RORA: variants seen among roughly 807,000 people sequenced by gnomAD.
RORA encodes the protein RAR related orphan receptor A.
In RORA, 7 loss-of-function variants were observed where a neutral mutation model predicts 69.5. That is an observed-to-expected ratio of 0.10 (90% CI 0.06 to 0.19). The LOEUF (loss-of-function observed/expected upper bound fraction) is 0.19, where lower values mean the gene tolerates loss of function less well. Among genes scored for constraint, RORA ranks in the 10% least tolerant of loss-of-function variants. The probability of loss-of-function intolerance (pLI) is 1.00; values close to 1 mark genes in which losing one functional copy is unlikely to be tolerated. For synonymous variants in RORA, 261 were observed against 240.8 expected (o/e 1.08, Z -0.78); for missense variants, 457 against 663.0 (o/e 0.69, Z 3.41).
At chr15:60,678,835 C>T in intron 1 of RORA, 149 bp from the exon 2 acceptor site, 1 of 655,114 alleles carries the variant, frequency 1.5e-6, no homozygotes, top group Non-Finnish European at 2.8e-6. Context: ...AGGAGTGTCA[C>T]TAGACCTACC....
chr15:60,789,367 T>G (rs1420021907), intron 1 of RORA, among the ~76,000 whole-genome samples: 6 of 152,262 alleles, frequency 3.9e-5, no homozygotes, highest in African/African-American at 1.4e-4. Flanking sequence ...TAATATATCT[T>G]GCTTCTGTAA....
intron 2 of RORA, among the ~76,000 whole-genome samples, chr15:60,584,508 G>A (rs1243547544): frequency 2.6e-5 from 4 of 152,206 alleles, no homozygotes; most frequent in Admixed American, 2.6e-4. Context: ...CTCTGACTAA[G>A]TGTGGCTGCC....
intron 1 of RORA, among the ~76,000 whole-genome samples, chr15:61,171,884 C>A (rs1352282856): frequency 1.3e-5 from 2 of 152,200 alleles, no homozygotes; most frequent in Admixed American, 6.5e-5. Context: ...CTTTGGGACA[C>A]CGATCCTCAA....
chr15:61,152,267 G>T (rs2079404142), intron 1 of RORA, among the ~76,000 whole-genome samples: 1 of 152,010 alleles, frequency 6.6e-6, no homozygotes, highest in South Asian at 2.1e-4. Flanking sequence ...AGAAATAGTT[G>T]AGTTCCTGCC....
intron 1 of RORA, among the ~76,000 whole-genome samples, chr15:60,969,180 T>A (rs761508708): frequency 1.3e-5 from 2 of 152,204 alleles, no homozygotes; most frequent in Non-Finnish European, 2.9e-5. Flanking sequence ...GTGGAGACTG[T>A]CAAGCTTCTC....
Position 60,946,451 on chromosome 15 carries a change from G to A in RORA, c.167-267765C>T, listed in dbSNP as rs555086374. Among the ~76,000 whole-genome samples, 3 of 152,316 alleles carry A rather than the reference G, an allele frequency of 2.0e-5. No individual in the cohort carries two copies. In the East Asian group the frequency reaches 5.8e-4, roughly 29 times the overall value. ...CCTGACTGGTTTTCGTATTTTTTTG[G>A]TGGAGACGGGGTTTCGCTTTGTTGG... On this transcript the variant is annotated intron_variant, in intron 1 of 10. Coordinates refer to ENST00000335670, the MANE Select transcript of RORA (RefSeq NM_134261.3).
intron 1 of RORA, among the ~76,000 whole-genome samples, chr15:61,005,118 TC>T (rs1200692226): frequency 6.6e-6 from 1 of 152,192 alleles, no homozygotes; most frequent in Non-Finnish European, 1.5e-5. Context: ...ATGGAAACAA[TC>T]TGAGGGTTCA....
At chr15:60,958,455 T>C (rs758820130) in intron 1 of RORA, among the ~76,000 whole-genome samples, 2 of 152,174 alleles carry the variant, frequency 1.3e-5, no homozygotes, top group Non-Finnish European at 2.9e-5. Context: ...TAATATCCCA[T>C]ATAATATAAA....
intron 1 of RORA, among the ~76,000 whole-genome samples, chr15:60,857,006 T>G (rs1272655908): frequency 6.6e-6 from 1 of 152,196 alleles, no homozygotes; most frequent in African/African-American, 2.4e-5. Flanking sequence ...ACTGGAAGGA[T>G]GAGCACAGAG....
At chr15:60,945,031 G>A (rs1391413216) in intron 1 of RORA, among the ~76,000 whole-genome samples, 1 of 152,198 alleles carries the variant, frequency 6.6e-6, no homozygotes, top group Non-Finnish European at 1.5e-5. Flanking sequence ...GCCCACTTTG[G>A]TTTTAGAGCA....
chr15:60,912,483 G>A (rs1891758131), intron 1 of RORA, among the ~76,000 whole-genome samples: 1 of 151,892 alleles, frequency 6.6e-6, no homozygotes, highest in Non-Finnish European at 1.5e-5. Flanking sequence ...CGCCGGGCAT[G>A]GTGGCTCACA....
intron 1 of RORA, among the ~76,000 whole-genome samples, chr15:60,978,497 T>C (rs1195106907): frequency 6.6e-6 from 1 of 152,222 alleles, no homozygotes; most frequent in Non-Finnish European, 1.5e-5. Flanking sequence ...GTAGTGTCCA[T>C]TGATTCACAA....
chr15:61,010,534 G>A (rs1041796805), intron 1 of RORA, among the ~76,000 whole-genome samples: 1 of 152,142 alleles, frequency 6.6e-6, no homozygotes, highest in Non-Finnish European at 1.5e-5. Flanking sequence ...TTGTATGAAT[G>A]CACAGGCATA....
At chr15:60,516,491 C>T (rs1162973972) in intron 3 of RORA, among the ~76,000 whole-genome samples, 2 of 150,716 alleles carry the variant, frequency 1.3e-5, no homozygotes, top group Non-Finnish European at 2.9e-5. Flanking sequence ...TGAAGCAAAG[C>T]CATGAAGGGT....
chr15:60,933,080 G>T (rs1210817033), intron 1 of RORA, among the ~76,000 whole-genome samples: 2 of 152,006 alleles, frequency 1.3e-5, no homozygotes, highest in African/African-American at 4.8e-5. Context: ...TGCTTCCCAG[G>T]GCTGTGACCC....
At chr15:60,502,342 A>T (rs138588675) in intron 8 of RORA, among the ~76,000 whole-genome samples, 12 of 152,122 alleles carry the variant, frequency 7.9e-5, no homozygotes, top group Admixed American at 4.6e-4. Flanking sequence ...TATTTCTTTG[A>T]TATCTGCATT....
chr15:61,049,168 G>C (rs963458870), intron 1 of RORA, among the ~76,000 whole-genome samples: 3 of 152,174 alleles, frequency 2.0e-5, no homozygotes, highest in African/African-American at 7.2e-5. Context: ...GTCGTCAAAA[G>C]CAATTACATG....
chr15:60,983,819 C>A (rs929618851), intron 1 of RORA, among the ~76,000 whole-genome samples: 8 of 152,292 alleles, frequency 5.3e-5, no homozygotes, highest in African/African-American at 1.9e-4. Flanking sequence ...ATGTCTAAAA[C>A]CGAGCTGCAA....
intron 1 of RORA, among the ~76,000 whole-genome samples, chr15:60,902,534 G>A (rs968317277): frequency 6.6e-6 from 1 of 152,170 alleles, no homozygotes; most frequent in Non-Finnish European, 1.5e-5. Context: ...GAAGCAGCAC[G>A]GCTTGCCTCT....
Sources: gnomAD v4.1 joint callset for allele counts (sites outside exome capture counted in the v4.1 genomes callset) on GRCh38, gnomAD v4.1.1 for gene constraint, MANE v1.5 for transcripts, NCBI Gene and HGNC (gene_info 2026-07-23, HGNC 2026-07-21) for gene names.